The following FUT8 variants were observed in gnomAD, a reference collection of about 807,000 sequenced individuals.
The protein encoded by FUT8 is alpha-(1,6)-fucosyltransferase.
A neutral mutation model predicts 71.3 loss-of-function variants in FUT8; 29 were observed. The observed-to-expected ratio is 0.41, with a 90% confidence interval of 0.30 to 0.55. The LOEUF (loss-of-function observed/expected upper bound fraction) is 0.55. Ranked by LOEUF, FUT8 falls within the 20% of genes least tolerant of loss-of-function variation. The probability of loss-of-function intolerance (pLI) is 0.34; values close to 1 mark genes in which losing one functional copy is unlikely to be tolerated. For synonymous variants in FUT8, 254 were observed against 239.3 expected (o/e 1.06, Z -0.57); for missense variants, 544 against 702.1 (o/e 0.77, Z 2.55).
At chr14:65,486,176 A>G (rs1158427247) in intron 2 of FUT8, among the ~76,000 whole-genome samples, 1 of 152,204 alleles carries the variant, frequency 6.6e-6, no homozygotes, top group Non-Finnish European at 1.5e-5. Flanking sequence ...TTATATACAA[A>G]TTGTATTGGC....
chr14:65,719,245 A>G (rs1895281065), intron 7 of FUT8, among the ~76,000 whole-genome samples: 1 of 151,972 alleles, frequency 6.6e-6, no homozygotes, highest in Non-Finnish European at 1.5e-5. Context: ...ACTTCTATTA[A>G]GAGACTCAGT....
At chr14:65,704,902 C>A (rs1894482719) in intron 7 of FUT8, among the ~76,000 whole-genome samples, 1 of 152,188 alleles carries the variant, frequency 6.6e-6, no homozygotes, top group Non-Finnish European at 1.5e-5. Context: ...AGAGTTAAGT[C>A]TGTCAGAATA....
chr14:65,633,708 T>C (rs1259001392), intron 6 of FUT8, among the ~76,000 whole-genome samples: 3 of 139,286 alleles, frequency 2.2e-5, no homozygotes, highest in Non-Finnish European at 3.1e-5. Context: ...TCTGCCCGGC[T>C]GCCCCATCTG....
rs138173430 is a variant in FUT8, at chr14:65,589,017, G to A, written c.204-26961G>A. 1.5e-4 allele frequency among the ~76,000 whole-genome samples: 23 copies of A among 151,694 alleles called. No individual in the cohort carries two copies. The East Asian group carries it at 3.1e-3, about 20-fold the overall frequency. ...CTTTATTTCGCTCCTTTTTCTTGTC[G>A]CTCTCAATCTCTTTTACTTTCCTCC... is the stretch of plus-strand genomic sequence containing the variant. On this transcript the variant is annotated intron_variant, in intron 3 of 10. Transcript: ENST00000673929.
rs939892351 is a variant in FUT8, at chr14:65,627,938, T to C, written c.483-1554T>C. Among the ~76,000 whole-genome samples, 6 of 152,154 alleles carry C rather than the reference T, an allele frequency of 3.9e-5. No homozygotes were observed. The South Asian group carries it at 1.2e-3, about 32-fold the overall frequency. ...GCTTGGAGGTTAAGGGGGTGCCTTCTTCTGCCCTCTTAAGTCTGCCTAGCT... is the reference window on the plus strand; with the variant it reads ...GCTTGGAGGTTAAGGGGGTGCCTTCCTCTGCCCTCTTAAGTCTGCCTAGCT... On this transcript the variant is annotated intron_variant, in intron 5 of 10. Transcript: ENST00000673929. The surrounding 1 kb of genome is among the most constrained non-coding windows in gnomAD (Gnocchi z 4.0).
rs1265830430 is a variant in FUT8 at position 65,472,678 on chromosome 14, C to T, written c.-228+16960C>T. 6.6e-6 allele frequency among the ~76,000 whole-genome samples: 1 copy of T among 152,030 alleles called. No homozygotes were observed. The highest frequency in any genetic ancestry group is 1.5e-5 in the Non-Finnish European group (1 of 68,010). ...GATGCTGAGGATGGTTATTAAAGCC[C>T]TATGCTGATACTTTGGATTTATGGA... On this transcript the variant is annotated intron_variant, in intron 2 of 10. Transcript: ENST00000673929. The surrounding 1 kb of genome is among the most constrained non-coding windows in gnomAD (Gnocchi z 4.4).
chr14:65,373,146 G>C, the FUT8 span, among the ~76,000 whole-genome samples: 1 of 151,534 alleles, frequency 6.6e-6, no homozygotes, highest in Non-Finnish European at 1.5e-5. Flanking sequence ...ATTCTACCTG[G>C]GATCTTAGTC....
intron 6 of FUT8, among the ~76,000 whole-genome samples, chr14:65,632,001 T>G (rs1007262639): frequency 6.6e-6 from 1 of 152,202 alleles, no homozygotes; most frequent in Non-Finnish European, 1.5e-5. Context: ...GTCTCCAATC[T>G]CATGGAAGTC....
At chr14:65,566,342 A>C (rs1886192879) in intron 3 of FUT8, among the ~76,000 whole-genome samples, 1 of 151,998 alleles carries the variant, frequency 6.6e-6, no homozygotes, top group African/African-American at 2.4e-5. Context: ...ATATTCAAAA[A>C]TGGAAGAAAT....
the FUT8 span, among the ~76,000 whole-genome samples, chr14:65,388,100 T>G: frequency 1.3e-5 from 2 of 152,182 alleles, no homozygotes; most frequent in Non-Finnish European, 2.9e-5. Flanking sequence ...AGGAGTATCT[T>G]TATAGAGAAA....
At chr14:65,650,830 A>G (rs1161299834) in intron 6 of FUT8, among the ~76,000 whole-genome samples, 1 of 152,128 alleles carries the variant, frequency 6.6e-6, no homozygotes, top group African/African-American at 2.4e-5. Context: ...GCCTGCAGCT[A>G]GAAACCTTAG....
intron 2 of FUT8, among the ~76,000 whole-genome samples, chr14:65,559,250 A>T (rs1223827335): frequency 6.6e-6 from 1 of 152,174 alleles, no homozygotes; most frequent in Non-Finnish European, 1.5e-5. Context: ...GGAAAGAAAA[A>T]AATTGTAATA....
intron 2 of FUT8, among the ~76,000 whole-genome samples, chr14:65,524,729 G>A (rs1594735905): frequency 6.6e-6 from 1 of 152,030 alleles, no homozygotes; most frequent in Non-Finnish European, 1.5e-5. Flanking sequence ...ATAGCTCTTA[G>A]TATTTTGAGA....
At chr14:65,410,680 T>C (rs2065113010), upstream of FUT8, 1 of 152,034 alleles carries the variant, frequency 6.6e-6, no homozygotes, top group Non-Finnish European at 1.5e-5. Flanking sequence ...AATGGAATTT[T>C]TAGGCAAATG....
intron 3 of FUT8, among the ~76,000 whole-genome samples, chr14:65,615,240 G>A (rs534243244): frequency 2.0e-5 from 3 of 152,048 alleles, no homozygotes; most frequent in Admixed American, 6.6e-5. Flanking sequence ...TGAGTAGCTG[G>A]GACTGCAGGC....
intron 2 of FUT8, among the ~76,000 whole-genome samples, chr14:65,494,545 C>T (rs2066530727): frequency 1.3e-5 from 2 of 152,138 alleles, no homozygotes; most frequent in African/African-American, 4.8e-5. Context: ...GCATCGCTCT[C>T]CAGTTGTATC....
intron 6 of FUT8, among the ~76,000 whole-genome samples, chr14:65,633,315 T>C (rs1282754213): frequency 1.3e-5 from 2 of 152,204 alleles, no homozygotes; most frequent in East Asian, 3.9e-4. Context: ...TCTCGTTCAC[T>C]CAGTGCTCAG....
intron 2 of FUT8, among the ~76,000 whole-genome samples, chr14:65,496,666 C>T (rs2139747947): frequency 6.6e-6 from 1 of 152,256 alleles, no homozygotes; most frequent in African/African-American, 2.4e-5. Context: ...GAGGCCTCCC[C>T]AGCCATGCAG....
At position 65,689,577 on chromosome 14, in the gene FUT8, C is replaced by T. The variant is rs138927885; in HGVS notation, c.835+20097C>T. 4.5e-4 allele frequency among the ~76,000 whole-genome samples: 68 copies of T among 152,186 alleles called. 1 individual carries two copies. The highest frequency in any genetic ancestry group is 4.6e-4 in the Admixed American group (7 of 15,276). On this transcript the variant is annotated intron_variant, in intron 7 of 10. Transcript: ENST00000673929. ...TTTTTGTTACAGAGTCTCGCTCTGT[C>T]GCCCAGGCTGGAGTGCAGTGGTGCA...
Sources: allele counts gnomAD v4.1 joint callset (sites outside exome capture counted in the v4.1 genomes callset), GRCh38; gene constraint gnomAD v4.1.1; non-coding constraint Gnocchi (gnomAD v3.1); transcripts MANE v1.5; gene names NCBI Gene and HGNC (gene_info 2026-07-23, HGNC 2026-07-21).